Variants in DCHS1 observed in about 807,000 individuals in gnomAD.
The protein encoded by DCHS1 is protocadherin-16.
In DCHS1, 78 loss-of-function variants were observed where a neutral mutation model predicts 213.9. That is an observed-to-expected ratio of 0.36 (90% CI 0.30 to 0.44). The LOEUF (loss-of-function observed/expected upper bound fraction) is 0.44, where lower values mean the gene tolerates loss of function less well. Ranked by LOEUF, DCHS1 falls within the 20% of genes least tolerant of loss-of-function variation. The pLI is 1.00. For missense variants in DCHS1, 3,946 were observed against 4,395.9 expected, an observed-to-expected ratio of 0.90 and a Z score of 2.89; for synonymous variants, 1,828 against 1,873.7, an observed-to-expected ratio of 0.98 and a Z score of 0.63.
At chr11:6,634,095 C>G in intron 3 of DCHS1, 23 bp downstream of exon 3, 1 of 1,598,506 alleles carries the variant, frequency 6.3e-7, no homozygotes, top group East Asian at 2.2e-5. Flanking sequence ...ACATCCCAAC[C>G]TGCCCTTGGT....
intron 2 of DCHS1, among the ~76,000 whole-genome samples, chr11:6,636,821 G>T (rs1269342175): frequency 6.6e-6 from 1 of 152,068 alleles, no homozygotes; most frequent in South Asian, 2.1e-4. Flanking sequence ...TTTTACTTCA[G>T]CCATCGTCTA....
In DCHS1 at chr11:6,622,066, G is replaced by T; in HGVS notation, c.9610C>A (p.Leu3204Ile). 6.2e-7 allele frequency: 1 copy of T among 1,612,750 alleles called. No individual in the cohort carries two copies. The highest frequency in any genetic ancestry group is 8.5e-7 in the Non-Finnish European group (1 of 1,179,584). The change falls in exon 21 of 21, where the codon CTC becomes ATC. Residue 3204 changes from leucine (L) to isoleucine (I), a missense_variant. Physicochemically the swap from Leu to Ile is conservative, Grantham distance 5. This residue lies in a region of DCHS1 where 554 missense variants were observed against 590.2 expected (regional missense o/e 0.94). Transcript: ENST00000299441. This position sits in a 1 kb window ranked among gnomAD's most constrained non-coding sequence, Gnocchi z 5.4. ...CCTGGGTGGGCCACGGCAGTGATGA[G>T]GGGTGGTGGGTCGATACGGGGAGCT... The part of the protein sequence containing the change: ...PPAPRIDPPP[L>I]ITAVAHPGAK...
intron 1 of DCHS1, among the ~76,000 whole-genome samples, chr11:6,642,413 G>A (rs1856092397): frequency 3.9e-5 from 6 of 152,212 alleles, no homozygotes; most frequent in African/African-American, 1.4e-4. Flanking sequence ...GAGCAAGGAG[G>A]AATATAAGAG....
At position 6,632,242 on chromosome 11, in the gene DCHS1, G is replaced by A. The variant is rs758991950; in HGVS notation, c.3270C>T (p.Thr1090=). The change falls in exon 6 of 21, where the codon ACC becomes ACT. Residue 1090 remains threonine, a synonymous_variant. Transcript: ENST00000299441. The surrounding 1 kb of genome is among the most constrained non-coding windows in gnomAD (Gnocchi z 5.9). ...TCTGGTTGAGGATGCTGACCCTCAC[G>A]GTGGCTGTGCCTGTCTGCTGCCCCA... ...AELGQQTGTA[T]VRVSILNQNE... 1.7e-5 allele frequency: 28 copies of A among 1,613,648 alleles called. No individual in the cohort carries two copies. The highest frequency in any genetic ancestry group is 6.7e-5 in the East Asian group (3 of 44,890).
In DCHS1 at chr11:6,622,194, T is replaced by A. The variant is rs767319271; in HGVS notation, c.9482A>T (p.Tyr3161Phe). 1 of 1,606,286 alleles carries A rather than the reference T, an allele frequency of 6.2e-7. No individual in the cohort carries two copies. The highest frequency in any genetic ancestry group is 8.5e-7 in the Non-Finnish European group (1 of 1,177,882). Reference sequence around the variant, plus strand: ...CCAGCTCAGCAGGTAGTCCCAGTTATAGCTGCCACGGAGCTCCTCCTCGCC... The same window carrying A: ...CCAGCTCAGCAGGTAGTCCCAGTTAAAGCTGCCACGGAGCTCCTCCTCGCC... Reference protein sequence around the residue: ...VAGEEELRGSYNWDYLLSWCP... With the variant: ...VAGEEELRGSFNWDYLLSWCP... The change falls in exon 21 of 21, where the codon TAT (tyrosine) becomes TTT (phenylalanine). Residue 3161 changes from tyrosine to phenylalanine, a missense_variant. Physicochemically the swap from Tyr to Phe is conservative, Grantham distance 22. Transcript: ENST00000299441. This position sits in a 1 kb window ranked among gnomAD's most constrained non-coding sequence, Gnocchi z 5.4.
At position 6,647,762 on chromosome 11, in the gene DCHS1, G is replaced by A. The variant is rs372360942; in HGVS notation, c.-120-6029C>T. 7.9e-5 allele frequency among the ~76,000 whole-genome samples: 12 copies of A among 152,340 alleles called. No homozygotes were observed. In the East Asian group the frequency reaches 2.3e-3, roughly 29 times the overall value. ...GTCTATGTTGCCTGAGATTCAGGGA[G>A]GAGAGAAAGATGGAGAGAATAAGAA... On this transcript the variant is annotated intron_variant, in intron 1 of 20. Transcript: ENST00000299441.
intron 8 of DCHS1, 30 bp from the exon 9 acceptor site, chr11:6,631,240 T>C (rs939904522): frequency 1.2e-6 from 2 of 1,612,718 alleles, no homozygotes; most frequent in East Asian, 2.2e-5. Flanking sequence ...GATGAGGGCT[T>C]GGGGCCCAGA....
At position 6,641,580 on chromosome 11, in the gene DCHS1, G is replaced by A; in HGVS notation, c.34C>T (p.Pro12Ser). 3 of 1,550,476 alleles carry A rather than the reference G, an allele frequency of 1.9e-6. No homozygotes were observed. Among genetic ancestry groups the A allele is most frequent in the Non-Finnish European group, 2.6e-6 (3 of 1,146,754 alleles). ...QKELGIVPSC[P>S]GMKSPRPHLL... ...TGGGGCCTGGGGCTCTTCATGCCAG[G>A]GCAGGAAGGCACAATGCCCAGCTCC... Residue 12 changes from proline to serine, a missense_variant, in exon 2 of 21, where the codon CCT becomes TCT. Pro to Ser is a moderately conservative substitution (Grantham distance 74). Around this residue, in one of 3 missense-constraint regions of DCHS1, gnomAD observed 3,384 missense variants for 3,780.1 expected, o/e 0.90. Transcript: ENST00000299441. This position sits in a 1 kb window ranked among gnomAD's most constrained non-coding sequence, Gnocchi z 7.1.
At chr11:6,655,223 A>G (rs1457278154) in intron 1 of DCHS1, among the ~76,000 whole-genome samples, 1 of 151,940 alleles carries the variant, frequency 6.6e-6, no homozygotes, top group African/African-American at 2.4e-5. Context: ...ACATGCACAC[A>G]CAGCCAGAGA....
chr11:6,632,477 C>A lies in DCHS1; in HGVS notation c.3035G>T (p.Gly1012Val), dbSNP rs989971241. 8.2e-6 allele frequency: 13 copies of A among 1,586,778 alleles called. No individual in the cohort carries two copies. The highest frequency in any genetic ancestry group is 1.3e-5 in the African/African-American group (1 of 74,346). ...CAGGACCTGAGTTCCAGCAGTGGTG[C>A]CTGAGGGCAGGTCCACACGGTAGGT... Reference protein sequence around the residue: ...SPTYRVDLPSGTTAGTQVLQV... With the variant: ...SPTYRVDLPSVTTAGTQVLQV... Residue 1012 changes from glycine to valine, a missense_variant, in exon 6 of 21, where the codon GGC becomes GTC. Physicochemically the swap from Gly to Val is moderately radical, Grantham distance 109. Transcript: ENST00000299441. This position sits in a 1 kb window ranked among gnomAD's most constrained non-coding sequence, Gnocchi z 5.9.
chr11:6,624,291 C>G lies in DCHS1; in HGVS notation c.7385G>C (p.Arg2462Pro), dbSNP rs117140835. 2 of 1,597,030 alleles carry G rather than the reference C, an allele frequency of 1.3e-6. No individual in the cohort carries two copies. Among genetic ancestry groups the G allele is most frequent in the Non-Finnish European group, 1.7e-6 (2 of 1,172,858 alleles). The change falls in exon 21 of 21, where the codon CGG becomes CCG. Residue 2462 changes from arginine to proline, a missense_variant. Arg to Pro is a moderately radical substitution (Grantham distance 103). This residue lies in a region of DCHS1 where 3,384 missense variants were observed against 3,780.1 expected (regional missense o/e 0.90). Transcript: ENST00000299441. ...LEARDHGAPGRAARATVHVQL... is the reference protein window; with the variant it reads ...LEARDHGAPGPAARATVHVQL... ...CACGTGCACTGTGGCTCGTGCTGCC[C>G]GGCCTGGAGCCCCGTGGTCTCGTGC...
At position 6,628,943 on chromosome 11, in the gene DCHS1, T is replaced by C. The variant is rs1855857136; in HGVS notation, c.5162-113A>G. ...GTGCACACAAACCAGAAAATGTCCA[T>C]CTCTCCATACCTCTCAGGCACACAT... is the stretch of plus-strand genomic sequence containing the variant. On this transcript the variant is annotated intron_variant, in intron 12 of 20. Transcript: ENST00000299441. This position sits in a 1 kb window ranked among gnomAD's most constrained non-coding sequence, Gnocchi z 4.3. The C allele has an allele frequency of 1.8e-6, 2 of 1,115,634 alleles. No individual in the cohort carries two copies. Among genetic ancestry groups the C allele is most frequent in the Non-Finnish European group, 2.6e-6 (2 of 758,178 alleles). 69.1% of individuals were successfully genotyped at this position (1,115,634 alleles called of 1,614,324 possible).
chr11:6,630,025 C>T lies in DCHS1; in HGVS notation c.4769G>A (p.Gly1590Asp). 3 of 1,557,248 alleles carry T rather than the reference C, an allele frequency of 1.9e-6. No homozygotes were observed. Among genetic ancestry groups the T allele is most frequent in the Non-Finnish European group, 2.6e-6 (3 of 1,148,004 alleles). The change falls in exon 10 of 21, where the codon GGC (glycine) becomes GAC (aspartate). Residue 1590 changes from glycine to aspartate, a missense_variant. Gly to Asp is a moderately conservative substitution (Grantham distance 94). This residue lies in a region of DCHS1 where 3,384 missense variants were observed against 3,780.1 expected (regional missense o/e 0.90). Transcript: ENST00000299441. ...VSYRLASGGD[G>D]HFRLHSSTGA... Reference sequence around the variant, plus strand: ...AGTGCTTGAGTGCAGCCGGAAGTGGCCGTCCCCGCCAGATGCCAGCCGATA... The same window carrying T: ...AGTGCTTGAGTGCAGCCGGAAGTGGTCGTCCCCGCCAGATGCCAGCCGATA...
rs776950892 is a variant in DCHS1 at position 6,631,569 on chromosome 11, C to T, written c.3675+47G>A. The T allele has an allele frequency of 6.5e-6, 10 of 1,546,130 alleles. No homozygotes were observed. In the Admixed American group the frequency reaches 1.5e-4, roughly 23 times the overall value. Reference sequence around the variant, plus strand: ...ACCTACAGCTCTATGGGGAGATCCCCACTCCCTCTCACACTTCTCAGGACA... The same window carrying T: ...ACCTACAGCTCTATGGGGAGATCCCTACTCCCTCTCACACTTCTCAGGACA... On this transcript the variant is annotated intron_variant, in intron 7 of 20. Coordinates refer to ENST00000299441, the MANE Select transcript of DCHS1 (RefSeq NM_003737.4).
chr11:6,649,858 A>G (rs939838897), intron 1 of DCHS1, among the ~76,000 whole-genome samples: 1 of 152,196 alleles, frequency 6.6e-6, no homozygotes, highest in East Asian at 1.9e-4. Flanking sequence ...ATGTTGAAGG[A>G]GAAGAACAAA....
chr11:6,621,770 G>A lies in DCHS1; in HGVS notation c.*9C>T. ...CGCATCCCAGGTCGGGGCCCAGCCTGGGCCACAGCTAGATGTGCAGCTCCG... is the reference window on the plus strand; with the variant it reads ...CGCATCCCAGGTCGGGGCCCAGCCTAGGCCACAGCTAGATGTGCAGCTCCG... On this transcript the variant is annotated 3_prime_UTR_variant, in exon 21 of 21. Transcript: ENST00000299441. The A allele has an allele frequency of 6.4e-7, 1 of 1,570,334 alleles. No homozygotes were observed. Among genetic ancestry groups the A allele is most frequent in the Middle Eastern group, 1.7e-4 (1 of 6,016 alleles).
chr11:6,635,578 G>A (rs1322322441), intron 2 of DCHS1, among the ~76,000 whole-genome samples: 1 of 152,186 alleles, frequency 6.6e-6, no homozygotes, highest in South Asian at 2.1e-4. Context: ...TGACAGAAAT[G>A]ATCTGTGCCA....
chr11:6,631,891 G>T, intron 6 of DCHS1, 82 bp from the exon 7 acceptor site: 2 of 1,457,544 alleles, frequency 1.4e-6, no homozygotes, highest in East Asian at 2.4e-5. Flanking sequence ...CTGGTGTTTG[G>T]GGAGTGGGGG....
chr11:6,630,736 G>A lies in DCHS1; in HGVS notation c.4058C>T (p.Ser1353Leu), dbSNP rs777134712. Residue 1353 changes from serine to leucine, a missense_variant, in exon 10 of 21, where the codon TCG (serine) becomes TTG (leucine). Physicochemically the swap from Ser to Leu is moderately radical, Grantham distance 145. Around this residue, in one of 3 missense-constraint regions of DCHS1, gnomAD observed 3,384 missense variants for 3,780.1 expected, o/e 0.90. Transcript: ENST00000299441. ...EGLRPGSLLG[S>L]VAAPEPAGVG... ...ACCCGCGGGCTCTGGCGCTGCCACCGAGCCCAACAGAGAGCCGGGCCGCAG... is the reference window on the plus strand; with the variant it reads ...ACCCGCGGGCTCTGGCGCTGCCACCAAGCCCAACAGAGAGCCGGGCCGCAG... 5.8e-6 allele frequency: 9 copies of A among 1,544,626 alleles called. No homozygotes were observed. Among genetic ancestry groups the A allele is most frequent in the South Asian group, 3.6e-5 (3 of 84,058 alleles).
Sources: gnomAD v4.1 joint callset for allele counts (sites outside exome capture counted in the v4.1 genomes callset) on GRCh38, gnomAD v4.1.1 for gene constraint, gnomAD v4.1.1 regional missense constraint, Gnocchi (gnomAD v3.1) non-coding constraint, MANE v1.5 for transcripts, NCBI Gene and HGNC (gene_info 2026-07-23, HGNC 2026-07-21) for gene names.